Variants in SPOCK3 observed in about 807,000 individuals in gnomAD.
The protein encoded by SPOCK3 is SPARC (osteonectin), cwcv and kazal like domains proteoglycan 3.
SPOCK3 carries 30 observed loss-of-function variants against 56.6 expected under a neutral mutation model. The ratio of observed to expected loss-of-function variants is 0.53; its 90% CI spans 0.40 to 0.72. SPOCK3 has a LOEUF of 0.72. Ranked by LOEUF, SPOCK3 falls within the 30% of genes least tolerant of loss-of-function variation. The pLI, the probability that SPOCK3 is intolerant of heterozygous loss-of-function variation, is 0.00. For missense variants in SPOCK3, 527 were observed against 530.0 expected, an observed-to-expected ratio of 0.99 and a Z score of 0.06; for synonymous variants, 196 against 183.3, an observed-to-expected ratio of 1.07 and a Z score of -0.56.
chr4:166,747,458 T>A (rs1269209838), intron 8 of SPOCK3, among the ~76,000 whole-genome samples: 1 of 152,138 alleles, frequency 6.6e-6, no homozygotes, highest in Non-Finnish European at 1.5e-5. Flanking sequence ...AAACTCTCAA[T>A]AAACTAGCTA....
chr4:167,162,275 A>G (rs1765386602), intron 2 of SPOCK3, among the ~76,000 whole-genome samples: 1 of 152,068 alleles, frequency 6.6e-6, no homozygotes, highest in Non-Finnish European at 1.5e-5. Flanking sequence ...TGTGTGCATT[A>G]CTTTGGTTAA....
chr4:166,874,131 G>T (rs1344558892), intron 6 of SPOCK3, among the ~76,000 whole-genome samples: 28 of 152,066 alleles, frequency 1.8e-4, no homozygotes, highest in Non-Finnish European at 3.5e-4. Flanking sequence ...TTTCTCTGGG[G>T]TAGAGGTTGT....
chr4:166,837,541 A>G (rs568104710), intron 6 of SPOCK3, among the ~76,000 whole-genome samples: 2 of 152,298 alleles, frequency 1.3e-5, no homozygotes, highest in East Asian at 3.9e-4. Context: ...CACTGATATT[A>G]TCATTTCACT....
chr4:166,752,571 TATACACACACACACAC>T (rs1363711499), intron 8 of SPOCK3, among the ~76,000 whole-genome samples: 11 of 13,328 alleles, frequency 8.3e-4, no homozygotes, highest in African/African-American at 2.9e-3. Flanking sequence ...TATATATATA[TATACACACACACACAC>T]ACACACACAC....
chr4:166,830,773 CTTCTCGGTATT>C (rs1357985992), intron 6 of SPOCK3, among the ~76,000 whole-genome samples: 3 of 152,018 alleles, frequency 2.0e-5, no homozygotes, highest in African/African-American at 4.8e-5. Context: ...ACAATCATAT[CTTCTCGGTATT>C]TTCCTATGTT....
chr4:166,872,535 G>A (rs1732597280), intron 6 of SPOCK3, among the ~76,000 whole-genome samples: 1 of 152,106 alleles, frequency 6.6e-6, no homozygotes, highest in South Asian at 2.1e-4. Context: ...GCCAAAACTT[G>A]GAAGAAACCA....
At chr4:167,125,765 TAGG>T (rs1762224519) in intron 2 of SPOCK3, among the ~76,000 whole-genome samples, 1 of 152,158 alleles carries the variant, frequency 6.6e-6, no homozygotes, top group African/African-American at 2.4e-5. Flanking sequence ...TTCTTTCATG[TAGG>T]AGATCACTCA....
chr4:166,777,200 A>T (rs1045635607), intron 7 of SPOCK3, among the ~76,000 whole-genome samples: 38 of 152,180 alleles, frequency 2.5e-4, no homozygotes, highest in Middle Eastern at 3.2e-3. Flanking sequence ...GCATATATTG[A>T]TCTATCTCAA....
chr4:167,173,451 C>A (rs945214089), intron 2 of SPOCK3, among the ~76,000 whole-genome samples: 2 of 152,032 alleles, frequency 1.3e-5, no homozygotes, highest in Non-Finnish European at 2.9e-5. Flanking sequence ...AAGTGTTAGT[C>A]TTTTTCCCCA....
chr4:166,849,861 G>A (rs1457210511), intron 6 of SPOCK3, among the ~76,000 whole-genome samples: 1 of 152,130 alleles, frequency 6.6e-6, no homozygotes, highest in Admixed American at 6.5e-5. Flanking sequence ...TCTGGGACTG[G>A]CATTAGCATA....
chr4:167,090,648 C>G (rs1032345281), intron 2 of SPOCK3, among the ~76,000 whole-genome samples: 3 of 151,950 alleles, frequency 2.0e-5, no homozygotes, highest in Non-Finnish European at 4.4e-5. Flanking sequence ...GGATTACAGG[C>G]ATGCACCACC....
At chr4:167,041,180 C>CTG (rs1265463063) in intron 3 of SPOCK3, among the ~76,000 whole-genome samples, 1 of 152,186 alleles carries the variant, frequency 6.6e-6, no homozygotes, top group Non-Finnish European at 1.5e-5. Context: ...TTGAATATCA[C>CTG]TGTCTCTCCT....
intron 6 of SPOCK3, among the ~76,000 whole-genome samples, chr4:166,884,213 C>T (rs1282407507): frequency 8.6e-5 from 13 of 152,020 alleles, no homozygotes; most frequent in Middle Eastern, 3.4e-3. Flanking sequence ...ATTAACCGGG[C>T]GTGGTGGCTG....
intron 4 of SPOCK3, among the ~76,000 whole-genome samples, chr4:166,992,349 C>T (rs145223790): frequency 6.6e-6 from 1 of 152,132 alleles, no homozygotes; most frequent in East Asian, 1.9e-4. Flanking sequence ...ATTGCTATCA[C>T]TGACATCACC....
chr4:166,808,939 G>A (rs1473327254), intron 6 of SPOCK3, among the ~76,000 whole-genome samples: 1 of 151,956 alleles, frequency 6.6e-6, no homozygotes, highest in Non-Finnish European at 1.5e-5. Context: ...TCAGTACTAC[G>A]AAGACTGATT....
intron 4 of SPOCK3, among the ~76,000 whole-genome samples, chr4:166,974,563 G>T (rs1745741145): frequency 6.6e-6 from 1 of 151,910 alleles, no homozygotes; most frequent in Non-Finnish European, 1.5e-5. Flanking sequence ...CTTTACAACA[G>T]AATTCCTCTT....
intron 4 of SPOCK3, among the ~76,000 whole-genome samples, chr4:166,956,173 C>T (rs1414692353): frequency 6.6e-6 from 1 of 151,820 alleles, no homozygotes; most frequent in African/African-American, 2.4e-5. Flanking sequence ...ATGTGCCAAG[C>T]CCCCCAGTAG....
At chr4:166,949,070 C>A (rs1312483529) in intron 4 of SPOCK3, among the ~76,000 whole-genome samples, 1 of 152,028 alleles carries the variant, frequency 6.6e-6, no homozygotes, top group Admixed American at 6.6e-5. Flanking sequence ...CTAAACTTCC[C>A]TTCTCACTTC....
At chr4:167,063,260 A>T (rs1295359786) in intron 2 of SPOCK3, among the ~76,000 whole-genome samples, 1 of 151,826 alleles carries the variant, frequency 6.6e-6, no homozygotes, top group Non-Finnish European at 1.5e-5. Flanking sequence ...GAATTTTTAA[A>T]AGTAAGGCCA....
Sources: gnomAD v4.1 joint callset for allele counts (sites outside exome capture counted in the v4.1 genomes callset) on GRCh38, gnomAD v4.1.1 for gene constraint, MANE v1.5 for transcripts, NCBI Gene and HGNC (gene_info 2026-07-23, HGNC 2026-07-21) for gene names.